SERGEF: variants seen among roughly 807,000 people sequenced by gnomAD.
The protein encoded by SERGEF is secretion regulating guanine nucleotide exchange factor, also known as secretion-regulating guanine nucleotide exchange factor.
Under a neutral mutation model 50.0 loss-of-function variants are expected in SERGEF, and 51 were observed. That is an observed-to-expected ratio of 1.02 (90% CI 0.81 to 1.29). The LOEUF (loss-of-function observed/expected upper bound fraction) is 1.29. Ranked by LOEUF, SERGEF falls within the 50% of genes most tolerant of loss-of-function variation. The pLI is 0.00. For missense variants in SERGEF, 521 were observed against 557.0 expected, an observed-to-expected ratio of 0.94 and a Z score of 0.65; for synonymous variants, 205 against 212.4, an observed-to-expected ratio of 0.97 and a Z score of 0.30.
At chr11:17,817,507 C>T (rs750997868) in intron 10 of SERGEF, among the ~76,000 whole-genome samples, 2 of 152,112 alleles carry the variant, frequency 1.3e-5, no homozygotes, top group African/African-American at 2.4e-5. Context: ...TGAGCCACCA[C>T]GCCTGGCCTC....
rs527554493 is a variant in SERGEF, at chr11:17,833,221, A to C, written c.1049-44808T>G. ...TAGGGACTTGGTGCTCTTTGTCAGC[A>C]CTGGCTGAAAGGGGCCAACGTAGAG... On this transcript the variant is annotated intron_variant, in intron 10 of 10. Coordinates refer to ENST00000265965, the MANE Select transcript of SERGEF (RefSeq NM_012139.4). 2.1e-3 allele frequency among the ~76,000 whole-genome samples: 327 copies of C among 152,156 alleles called. 1 individual carries two copies. The highest frequency in any genetic ancestry group is 3.6e-3 in the Non-Finnish European group (243 of 67,908).
rs57224341 is a variant in SERGEF at position 17,890,317 on chromosome 11, G to T, written c.1012-12073C>A. 2.6e-5 allele frequency among the ~76,000 whole-genome samples: 4 copies of T among 152,278 alleles called. No individual in the cohort carries two copies. In the East Asian group the frequency reaches 7.7e-4, roughly 29 times the overall value. Reference sequence around the variant, plus strand: ...CCAGGTTTCTCATAGTCAGGGAAATGAATTACAACTGAAAGAGTGAGATAT... The same window carrying T: ...CCAGGTTTCTCATAGTCAGGGAAATTAATTACAACTGAAAGAGTGAGATAT... On this transcript the variant is annotated intron_variant, in intron 9 of 10. Coordinates refer to ENST00000265965, the MANE Select transcript of SERGEF (RefSeq NM_012139.4).
chr11:17,830,467 T>C (rs1242375290), intron 10 of SERGEF, among the ~76,000 whole-genome samples: 1 of 152,042 alleles, frequency 6.6e-6, no homozygotes, highest in Non-Finnish European at 1.5e-5. Flanking sequence ...AGATGTCTAA[T>C]ATCAAAGTGC....
intron 5 of SERGEF, among the ~76,000 whole-genome samples, chr11:17,997,543 T>C (rs190638780): frequency 2.0e-5 from 3 of 152,232 alleles, no homozygotes; most frequent in East Asian, 3.9e-4. Flanking sequence ...TCCAAAAGAA[T>C]TGAAAGCAGG....
chr11:17,873,661 TGGA>T (rs145195114), intron 10 of SERGEF, among the ~76,000 whole-genome samples: 15,324 of 148,068 alleles, frequency 0.1, 1,087 homozygotes, highest in African/African-American at 0.21. Context: ...TGGCTCTGCT[TGGA>T]GGAGGAGGAG....
chr11:17,830,645 GGAGGGAGAGAGA>G (rs1590141353), intron 10 of SERGEF, among the ~76,000 whole-genome samples: 3 of 19,390 alleles, frequency 1.5e-4, no homozygotes, highest in East Asian at 3.0e-3. Context: ...GGAGGGAGAG[GGAGGGAGAGAGA>G]GAGAGAGAGA....
chr11:17,968,141 A>G (rs1565218053), intron 8 of SERGEF, among the ~76,000 whole-genome samples: 1 of 152,198 alleles, frequency 6.6e-6, no homozygotes, highest in Non-Finnish European at 1.5e-5. Context: ...AGTATTCCCC[A>G]CAGCACCTAA....
At chr11:17,950,928 A>G (rs991417868) in intron 9 of SERGEF, among the ~76,000 whole-genome samples, 1 of 152,182 alleles carries the variant, frequency 6.6e-6, no homozygotes, top group South Asian at 2.1e-4. Flanking sequence ...AGGACTTTAA[A>G]TCAGTGCTGA....
chr11:17,850,100 C>T (rs1341789038), intron 10 of SERGEF, among the ~76,000 whole-genome samples: 1 of 152,120 alleles, frequency 6.6e-6, no homozygotes, highest in African/African-American at 2.4e-5. Context: ...GAGAAGAGAA[C>T]ACATGCGAGA....
At chr11:17,868,194 T>A (rs1851067549) in intron 10 of SERGEF, among the ~76,000 whole-genome samples, 1 of 152,224 alleles carries the variant, frequency 6.6e-6, no homozygotes, top group Non-Finnish European at 1.5e-5. Flanking sequence ...TTATGCTCTG[T>A]TTCCCTTTTA....
chr11:17,833,943 T>C (rs534246705), intron 10 of SERGEF, among the ~76,000 whole-genome samples: 60 of 152,332 alleles, frequency 3.9e-4, no homozygotes, highest in Admixed American at 1.6e-3. Context: ...GATGAGACTC[T>C]GGACTGTGGA....
At chr11:17,969,605 TA>T (rs1853202399) in intron 8 of SERGEF, among the ~76,000 whole-genome samples, 1 of 151,984 alleles carries the variant, frequency 6.6e-6, no homozygotes, top group South Asian at 2.1e-4. Flanking sequence ...AAAATAAGGC[TA>T]AAAGAGGGGA....
In SERGEF at chr11:17,843,163, TCCA is replaced by T. The variant is rs1316002693; in HGVS notation, c.1048+35042_1048+35044del. On this transcript the variant is annotated intron_variant, in intron 10 of 10. Coordinates refer to ENST00000265965, the MANE Select transcript of SERGEF (RefSeq NM_012139.4). ...ATGCCCAGGGTTGAGCAAGTGGGGA[TCCA>T]CCAAGATGCCTGGGCCTCAGTGAGA... Among the ~76,000 whole-genome samples the T allele has an allele frequency of 2.6e-5, 4 of 152,176 alleles. No individual in the cohort carries two copies. In the East Asian group the frequency reaches 7.7e-4, roughly 29 times the overall value.
At position 17,905,285 on chromosome 11, in the gene SERGEF, A is replaced by G. The variant is rs539834221; in HGVS notation, c.1012-27041T>C. The stretch of plus-strand genomic sequence containing the variant: ...AACATTGTCTTTAAAGCAAATTTCA[A>G]TAAATTGAAGTGTAATTTATTGAAA... On this transcript the variant is annotated intron_variant, in intron 9 of 10. Coordinates refer to ENST00000265965, the MANE Select transcript of SERGEF (RefSeq NM_012139.4). 2.1e-4 allele frequency among the ~76,000 whole-genome samples: 32 copies of G among 152,364 alleles called. No individual in the cohort carries two copies. The East Asian group carries it at 5.8e-3, about 28-fold the overall frequency.
At chr11:17,838,055 C>A (rs1043234147) in intron 10 of SERGEF, among the ~76,000 whole-genome samples, 1 of 152,216 alleles carries the variant, frequency 6.6e-6, no homozygotes, top group Non-Finnish European at 1.5e-5. Context: ...TCAGGGCATG[C>A]ACAACACTAG....
At chr11:17,931,562 C>T (rs1676753666) in intron 9 of SERGEF, among the ~76,000 whole-genome samples, 2 of 152,134 alleles carry the variant, frequency 1.3e-5, no homozygotes, top group Admixed American at 1.3e-4. Flanking sequence ...CAATTACTGT[C>T]CTTAGACAAA....
intron 10 of SERGEF, among the ~76,000 whole-genome samples, chr11:17,838,167 T>C (rs1197515609): frequency 1.3e-5 from 2 of 152,160 alleles, no homozygotes; most frequent in Non-Finnish European, 2.9e-5. Context: ...GCAACCTGTT[T>C]TTGCCTTAGA....
intron 5 of SERGEF, among the ~76,000 whole-genome samples, chr11:17,997,642 G>T (rs563977569): frequency 6.6e-6 from 1 of 152,158 alleles, no homozygotes; most frequent in Middle Eastern, 3.4e-3. Context: ...TCCATTGACA[G>T]ATGAATGGTA....
At chr11:18,007,310 G>T (rs1341945176) in intron 2 of SERGEF, among the ~76,000 whole-genome samples, 1 of 152,168 alleles carries the variant, frequency 6.6e-6, no homozygotes, top group Non-Finnish European at 1.5e-5. Flanking sequence ...AACGACCCAT[G>T]ACAGTCGGAA....
Sources: gnomAD v4.1 joint callset for allele counts (sites outside exome capture counted in the v4.1 genomes callset) on GRCh38, gnomAD v4.1.1 for gene constraint, MANE v1.5 for transcripts, NCBI Gene and HGNC (gene_info 2026-07-23, HGNC 2026-07-21) for gene names.